Variants in KLRD1 observed in about 807,000 individuals in gnomAD.
KLRD1 encodes the protein natural killer cells antigen CD94.
A neutral mutation model predicts 22.6 loss-of-function variants in KLRD1; 21 were observed. That is an observed-to-expected ratio of 0.93 (90% CI 0.66 to 1.34). KLRD1 has a LOEUF of 1.34. KLRD1 is among the 40% of genes most tolerant of loss of function. The pLI is 0.00. For missense variants in KLRD1, 183 were observed against 208.6 expected (o/e 0.88, Z 0.76); for synonymous variants, 59 against 71.1 (o/e 0.83, Z 0.85).
chr12:10,240,471 G>A (rs1592014677), intron 1 of KLRD1, among the ~76,000 whole-genome samples: 3 of 151,308 alleles, frequency 2.0e-5, no homozygotes, highest in Non-Finnish European at 4.4e-5. Flanking sequence ...CTTCACTTAC[G>A]TTCTCTGCTC....
At chr12:10,248,255 A>G (rs10772251) in intron 1 of KLRD1, among the ~76,000 whole-genome samples, 114,215 of 151,854 alleles carry the variant, frequency 0.75, 43,518 homozygotes, top group East Asian at 1. Flanking sequence ...AATCTATGAG[A>G]CTTTTACAGA....
At chr12:10,267,953 C>A (rs889156400) in intron 1 of KLRD1, among the ~76,000 whole-genome samples, 2 of 152,170 alleles carry the variant, frequency 1.3e-5, no homozygotes, top group Admixed American at 6.5e-5. Context: ...GGGAAGGGAG[C>A]TGTGGACCAA....
At chr12:10,244,390 T>C (rs1206390892) in intron 1 of KLRD1, among the ~76,000 whole-genome samples, 1 of 152,028 alleles carries the variant, frequency 6.6e-6, no homozygotes, top group Non-Finnish European at 1.5e-5. Context: ...ACTCATTCAC[T>C]CAATTTCAGT....
At chr12:10,294,047 G>A (rs34956502) in intron 1 of KLRD1, among the ~76,000 whole-genome samples, 10,792 of 152,124 alleles carry the variant, frequency 0.071, 440 homozygotes, top group East Asian at 0.17. Context: ...ATAAATGGTC[G>A]CTGTACATCA....
intron 1 of KLRD1, among the ~76,000 whole-genome samples, chr12:10,277,229 A>G (rs1045421468): frequency 1.3e-5 from 2 of 150,922 alleles, no homozygotes; most frequent in Non-Finnish European, 2.9e-5. Flanking sequence ...AGACTCACCC[A>G]TTTAACTGTA....
chr12:10,252,954 T>A (rs1303717154), intron 1 of KLRD1, among the ~76,000 whole-genome samples: 1 of 145,210 alleles, frequency 6.9e-6, no homozygotes, highest in African/African-American at 2.6e-5. Flanking sequence ...TGGGCAGTTG[T>A]AAAAAAAAAA....
chr12:10,314,831 C>T lies in KLRD1; in HGVS notation c.*38C>T, dbSNP rs1305645034. ...GCAGAGAAGGTGGAGAGTAAAGACC[C>T]AACATTACTAACAATGATACAGTTG... On this transcript the variant is annotated 3_prime_UTR_variant, in exon 6 of 6. Transcript: ENST00000336164. 6.4e-7 allele frequency: 1 copy of T among 1,559,596 alleles called. No individual in the cohort carries two copies. Among genetic ancestry groups the T allele is most frequent in the South Asian group, 1.2e-5 (1 of 85,016 alleles).
At chr12:10,305,485 T>A (rs1949908484), upstream of KLRD1, among the ~76,000 whole-genome samples, 1 of 152,204 alleles carries the variant, frequency 6.6e-6, no homozygotes, top group African/African-American at 2.4e-5. Context: ...TTTCTTAATC[T>A]AGCTTCTAGA....
At position 10,324,818 on chromosome 12, in the gene KLRD1, G is replaced by GTGTGTGTGTATATATATATATATA. The variant is rs750696767; in HGVS notation, c.*10026_*10027insGTGTGTGTATATATATATATATAT. 2.7e-5 allele frequency: 2 copies of GTGTGTGTGTATATATATATATATA among 74,154 alleles called. No homozygotes were observed. Among genetic ancestry groups the GTGTGTGTGTATATATATATATATA allele is most frequent in the African/African-American group, 4.2e-5 (1 of 23,590 alleles). 4.6% of individuals were successfully genotyped at this position (74,154 alleles called of 1,614,324 possible). On this transcript the variant is annotated 3_prime_UTR_variant, in exon 6 of 6. Transcript: ENST00000336164. ...AGTATATATGTATATGTGTGTGTGT[G>GTGTGTGTGTATATATATATATATA]TATATATATATATATATATATATAT...
chr12:10,276,841 T>C (rs1355481799), intron 1 of KLRD1, among the ~76,000 whole-genome samples: 1 of 152,208 alleles, frequency 6.6e-6, no homozygotes, highest in Non-Finnish European at 1.5e-5. Context: ...AGATGAAGTT[T>C]CTTTTTAAAA....
rs1215352046 is a variant in KLRD1 at position 10,322,780 on chromosome 12, AAT to A, written c.*7989_*7990del. On this transcript the variant is annotated 3_prime_UTR_variant, in exon 6 of 6. Transcript: ENST00000336164. ...ACTTACACGATTACTACCAGATTGC[AAT>A]AGAGACTACCTACCACCACCAAGAC... The A allele has an allele frequency of 6.6e-6, 1 of 152,208 alleles. No homozygotes were observed. Among genetic ancestry groups the A allele is most frequent in the Non-Finnish European group, 1.5e-5 (1 of 68,032 alleles). The allele number at this position is 152,208 out of a possible 1,614,324, so 9.4% of individuals were successfully genotyped here. A position where few individuals can be genotyped will look rare whatever the true frequency, so the allele number is the denominator to read the frequency against.
At chr12:10,293,874 A>G (rs1411956839) in intron 1 of KLRD1, among the ~76,000 whole-genome samples, 1 of 152,206 alleles carries the variant, frequency 6.6e-6, no homozygotes, top group African/African-American at 2.4e-5. Context: ...CTATTTTTGT[A>G]ACTTTTTTTG....
rs750696767 is a variant in KLRD1, at chr12:10,324,818, G to GTGTGTGTATATATATATATATATA, written c.*10026_*10027insGTGTGTATATATATATATATATAT. The GTGTGTGTATATATATATATATATA allele has an allele frequency of 1.2e-4, 9 of 74,148 alleles. No homozygotes were observed. Among genetic ancestry groups the GTGTGTGTATATATATATATATATA allele is most frequent in the African/African-American group, 3.4e-4 (8 of 23,588 alleles). 4.6% of individuals were successfully genotyped at this position (74,148 alleles called of 1,614,324 possible). A position where few individuals can be genotyped will look rare whatever the true frequency, so the allele number is the denominator to read the frequency against. On this transcript the variant is annotated 3_prime_UTR_variant, in exon 6 of 6. Transcript: ENST00000336164. Reference sequence around the variant, plus strand: ...AGTATATATGTATATGTGTGTGTGTGTATATATATATATATATATATATAT... The same window carrying GTGTGTGTATATATATATATATATA: ...AGTATATATGTATATGTGTGTGTGTGTGTGTGTATATATATATATATATATATATATATATATATATATATATAT...
chr12:10,318,004 A>C lies in KLRD1; in HGVS notation c.*3211A>C, dbSNP rs1950267566. On this transcript the variant is annotated 3_prime_UTR_variant, in exon 6 of 6. Transcript: ENST00000336164. ...AAAGAGGTAACTACCCCCATGATTA[A>C]ATTACCTCCTACCAGTTCCCTCACA... 6.6e-6 allele frequency: 1 copy of C among 152,132 alleles called. No individual in the cohort carries two copies. The highest frequency in any genetic ancestry group is 1.5e-5 in the Non-Finnish European group (1 of 68,000). 9.4% of individuals were successfully genotyped at this position (152,132 alleles called of 1,614,324 possible). A position where few individuals can be genotyped will look rare whatever the true frequency, so the allele number is the denominator to read the frequency against.
At chr12:10,296,123 C>T (rs1023026688) in intron 1 of KLRD1, among the ~76,000 whole-genome samples, 1 of 152,124 alleles carries the variant, frequency 6.6e-6, no homozygotes, top group African/African-American at 2.4e-5. Context: ...GCCACAGCTG[C>T]ACTTAGAACA....
Position 10,308,064 on chromosome 12 carries a change from G to C in KLRD1, c.-14G>C. On this transcript the variant is annotated 5_prime_UTR_variant, in exon 1 of 6. Coordinates refer to ENST00000336164, the MANE Select transcript of KLRD1 (RefSeq NM_002262.5). The stretch of plus-strand genomic sequence containing the variant: ...TCGTGCCTTCTCTACTTCGCTCTTG[G>C]AACATAATTTCTCATGGCAGGTATG... The C allele has an allele frequency of 6.2e-7, 1 of 1,611,572 alleles. No individual in the cohort carries two copies. Among genetic ancestry groups the C allele is most frequent in the South Asian group, 1.1e-5 (1 of 91,004 alleles).
At chr12:10,250,500 A>T (rs1949336768) in intron 1 of KLRD1, among the ~76,000 whole-genome samples, 1 of 151,824 alleles carries the variant, frequency 6.6e-6, no homozygotes, top group South Asian at 2.1e-4. Context: ...TCTGTTGCCC[A>T]GGCTGGAGTG....
At chr12:10,275,733 C>A (rs961096334) in intron 1 of KLRD1, among the ~76,000 whole-genome samples, 1 of 152,068 alleles carries the variant, frequency 6.6e-6, no homozygotes, top group African/African-American at 2.4e-5. Flanking sequence ...ATCCTCCACT[C>A]TTTTTAAGAT....
rs1949412810 is a variant in KLRD1, at chr12:10,257,700, ACTGAT to A, written c.-101+31473_-101+31477del. ...TACAGTTATTTTGAAGTCTTAGTCT[ACTGAT>A]CTGATATTTGTGCTCCCTCATGAAC... On this transcript the variant is annotated intron_variant, in intron 1 of 5. Transcript: ENST00000544747. 3.3e-5 allele frequency among the ~76,000 whole-genome samples: 5 copies of A among 151,766 alleles called. No homozygotes were observed. In the South Asian group the frequency reaches 1.0e-3, roughly 31 times the overall value.
Sources: gnomAD v4.1 joint callset for allele counts (sites outside exome capture counted in the v4.1 genomes callset) on GRCh38, gnomAD v4.1.1 for gene constraint, MANE v1.5 for transcripts, NCBI Gene and HGNC (gene_info 2026-07-23, HGNC 2026-07-21) for gene names.